The following NR3C1 variants were observed in gnomAD, a reference collection of about 807,000 sequenced individuals.
NR3C1 encodes nuclear receptor subfamily 3 group C member 1.
NR3C1 carries 14 observed loss-of-function variants against 74.0 expected under a neutral mutation model. The ratio of observed to expected loss-of-function variants is 0.19; its 90% CI spans 0.12 to 0.30. The LOEUF (loss-of-function observed/expected upper bound fraction) is 0.30. Among genes scored for constraint, NR3C1 ranks in the 10% least tolerant of loss-of-function variants. NR3C1 has a pLI of 1.00. For missense variants in NR3C1, 695 were observed against 909.8 expected (o/e 0.76, Z 3.04); for synonymous variants, 308 against 332.5 (o/e 0.93, Z 0.80).
chr5:143,415,766 T>A (rs1203221414), intron 1 of NR3C1, among the ~76,000 whole-genome samples: 1 of 152,192 alleles, frequency 6.6e-6, no homozygotes, highest in African/African-American at 2.4e-5. Flanking sequence ...ATTATAGAAT[T>A]GAAATTTCTC....
chr5:143,367,874 T>A (rs953894921), intron 2 of NR3C1, among the ~76,000 whole-genome samples: 1 of 152,212 alleles, frequency 6.6e-6, no homozygotes, highest in Non-Finnish European at 1.5e-5. Context: ...TGCCTCTTTT[T>A]TTCTTCCAGA....
intron 2 of NR3C1, among the ~76,000 whole-genome samples, chr5:143,320,520 G>C (rs1396715492): frequency 6.6e-6 from 1 of 152,122 alleles, no homozygotes; most frequent in Non-Finnish European, 1.5e-5. Flanking sequence ...GTGTCTCTGG[G>C]CTTGGTTTCC....
At chr5:143,383,384 C>T (rs924014832) in intron 2 of NR3C1, among the ~76,000 whole-genome samples, 12 of 152,182 alleles carry the variant, frequency 7.9e-5, no homozygotes, top group Non-Finnish European at 8.8e-5. Flanking sequence ...AAATTGAGTA[C>T]CTTAAGTGCT....
In NR3C1 at chr5:143,282,741, G is replaced by A; in HGVS notation, c.2024-16C>T. 1 of 1,605,108 alleles carries A rather than the reference G, an allele frequency of 6.2e-7. No homozygotes were observed. The highest frequency in any genetic ancestry group is 8.5e-7 in the Non-Finnish European group (1 of 1,173,948). Reference sequence around the variant, plus strand: ...TCCTTAGGAACTAAAAGGTTAAGATGAAGTCAGTTAAAGGATTTTCTTTTT... The same window carrying A: ...TCCTTAGGAACTAAAAGGTTAAGATAAAGTCAGTTAAAGGATTTTCTTTTT... On this transcript the variant is annotated splice_polypyrimidine_tract_variant and intron_variant, in intron 7 of 8. Coordinates refer to ENST00000394464, the MANE Select transcript of NR3C1 (RefSeq NM_000176.3).
chr5:143,324,151 C>T (rs1599943787), intron 2 of NR3C1, among the ~76,000 whole-genome samples: 1 of 152,198 alleles, frequency 6.6e-6, no homozygotes, highest in Non-Finnish European at 1.5e-5. Context: ...TGGGCAGTGC[C>T]CCAGTAGGGA....
At chr5:143,344,667 GT>G (rs1828886084) in intron 2 of NR3C1, among the ~76,000 whole-genome samples, 2 of 152,236 alleles carry the variant, frequency 1.3e-5, no homozygotes, top group Admixed American at 1.3e-4. Flanking sequence ...GAGGTCAGGA[GT>G]TCCAGACCAG....
chr5:143,342,623 A>C (rs1478553404), intron 2 of NR3C1, among the ~76,000 whole-genome samples: 1 of 152,244 alleles, frequency 6.6e-6, no homozygotes, highest in African/African-American at 2.4e-5. Flanking sequence ...AGATGCCCCA[A>C]AATGTTTTAA....
intron 2 of NR3C1, among the ~76,000 whole-genome samples, chr5:143,330,057 A>G (rs1227638450): frequency 6.6e-6 from 1 of 152,210 alleles, no homozygotes; most frequent in East Asian, 1.9e-4. Context: ...TGAAAATTTA[A>G]CAATAGAATA....
intron 7 of NR3C1, 163 bp downstream of exon 7, chr5:143,295,297 T>C (rs1816939045): frequency 1.0e-6 from 1 of 985,200 alleles, no homozygotes; most frequent in Non-Finnish European, 1.2e-6. Flanking sequence ...TGGTGTCACT[T>C]ACTGTGCCTT....
At chr5:143,415,697 T>C (rs1561811717) in intron 1 of NR3C1, among the ~76,000 whole-genome samples, 1 of 152,208 alleles carries the variant, frequency 6.6e-6, no homozygotes, top group African/African-American at 2.4e-5. Context: ...TTTTTCACTA[T>C]TGCAAGCCAT....
chr5:143,351,320 C>T (rs894930902), intron 2 of NR3C1, among the ~76,000 whole-genome samples: 6 of 152,120 alleles, frequency 3.9e-5, no homozygotes, highest in African/African-American at 1.4e-4. Context: ...GCATGATGTT[C>T]AAAGCCTTCC....
rs547660149 is a variant in NR3C1, at chr5:143,372,573, G to A, written c.1184+27083C>T. ...CTGCGGGTAACTGAAACCTTGGAAAGCAAAACTGCAGATAAGGCGGACTAC... is the reference window on the plus strand; with the variant it reads ...CTGCGGGTAACTGAAACCTTGGAAAACAAAACTGCAGATAAGGCGGACTAC... On this transcript the variant is annotated intron_variant, in intron 2 of 8. Coordinates refer to ENST00000394464, the MANE Select transcript of NR3C1 (RefSeq NM_000176.3). Among the ~76,000 whole-genome samples the A allele has an allele frequency of 2.4e-3, 361 of 152,312 alleles. 1 individual carries two copies. Among genetic ancestry groups the A allele is most frequent in the Non-Finnish European group, 4.0e-3 (272 of 68,014 alleles).
At chr5:143,375,462 C>T (rs1217972906) in intron 2 of NR3C1, among the ~76,000 whole-genome samples, 1 of 152,142 alleles carries the variant, frequency 6.6e-6, no homozygotes, top group Non-Finnish European at 1.5e-5. Flanking sequence ...ATGGTATACC[C>T]ATATGGCTAT....
chr5:143,394,795 C>G (rs1410842254), intron 2 of NR3C1, among the ~76,000 whole-genome samples: 2 of 151,806 alleles, frequency 1.3e-5, no homozygotes, highest in Non-Finnish European at 2.9e-5. Context: ...ACCTATAGTC[C>G]TAAATTTTTC....
At chr5:143,319,256 A>G (rs1469234443) in intron 2 of NR3C1, among the ~76,000 whole-genome samples, 3 of 152,186 alleles carry the variant, frequency 2.0e-5, no homozygotes, top group Non-Finnish European at 4.4e-5. Context: ...ACAAAAGGAT[A>G]CAGTATCGCT....
At chr5:143,386,885 C>T (rs180942053) in intron 2 of NR3C1, among the ~76,000 whole-genome samples, 1 of 152,250 alleles carries the variant, frequency 6.6e-6, no homozygotes, top group East Asian at 1.9e-4. Flanking sequence ...ATGTGGCTAC[C>T]CACCATCTAT....
At chr5:143,297,162 T>C (rs1817483807) in intron 6 of NR3C1, among the ~76,000 whole-genome samples, 1 of 151,350 alleles carries the variant, frequency 6.6e-6, no homozygotes. Flanking sequence ...GAATAGGAAG[T>C]ACATATCCCT....
chr5:143,374,546 A>C (rs1163176189), intron 2 of NR3C1, among the ~76,000 whole-genome samples: 1 of 151,782 alleles, frequency 6.6e-6, no homozygotes, highest in Non-Finnish European at 1.5e-5. Context: ...GTGATCATCC[A>C]AATTTTCTAG....
chr5:143,412,855 A>G (rs1330366262), intron 1 of NR3C1, among the ~76,000 whole-genome samples: 1 of 152,236 alleles, frequency 6.6e-6, no homozygotes, highest in Non-Finnish European at 1.5e-5. Flanking sequence ...ACCAATGACT[A>G]ACACTTTGAG....
Sources: gnomAD v4.1 joint callset for allele counts (sites outside exome capture counted in the v4.1 genomes callset) on GRCh38, gnomAD v4.1.1 for gene constraint, MANE v1.5 for transcripts, NCBI Gene and HGNC (gene_info 2026-07-23, HGNC 2026-07-21) for gene names.